The following CSMD3 variants were observed in gnomAD, a reference collection of about 807,000 sequenced individuals.
CSMD3 encodes CUB and Sushi multiple domains 3, also known as CUB and sushi domain-containing protein 3.
CSMD3 carries 177 observed loss-of-function variants against 435.2 expected under a neutral mutation model. The ratio of observed to expected loss-of-function variants is 0.41; its 90% CI spans 0.36 to 0.46. The LOEUF is 0.46. CSMD3 is among the 20% of genes least tolerant of loss of function. CSMD3 has a pLI of 0.34. For synonymous variants in CSMD3, 1,656 were observed against 1,520.5 expected (o/e 1.09, Z -2.07); for missense variants, 4,265 against 4,504.6 (o/e 0.95, Z 1.52).
At chr8:113,082,306 C>T (rs919803495) in intron 5 of CSMD3, among the ~76,000 whole-genome samples, 2 of 152,172 alleles carry the variant, frequency 1.3e-5, no homozygotes, top group African/African-American at 4.8e-5. Context: ...TGTCCCTGTT[C>T]CCAGCAAAGC....
intron 1 of CSMD3, among the ~76,000 whole-genome samples, chr8:113,332,257 G>C (rs1003672754): frequency 9.3e-5 from 14 of 150,120 alleles, no homozygotes; most frequent in African/African-American, 3.2e-4. Flanking sequence ...TGGGAAAATG[G>C]TGCCTATCCA....
chr8:113,200,081 C>A (rs1275627708), intron 3 of CSMD3, among the ~76,000 whole-genome samples: 2 of 151,854 alleles, frequency 1.3e-5, no homozygotes, highest in East Asian at 3.9e-4. Context: ...TTTCACGTAT[C>A]CAAAATGGGC....
intron 27 of CSMD3, chr8:112,538,812 CA>C (rs1826380804): frequency 6.6e-6 from 1 of 151,858 alleles, no homozygotes; most frequent in Non-Finnish European, 1.5e-5. Context: ...TCCAAAGTAC[CA>C]ATGCCATTTT....
chr8:113,420,748 G>T (rs1353516788), intron 1 of CSMD3, among the ~76,000 whole-genome samples: 1 of 151,892 alleles, frequency 6.6e-6, no homozygotes, highest in African/African-American at 2.4e-5. Flanking sequence ...AGGAGTTGAG[G>T]ACCACCCTGG....
intron 1 of CSMD3, among the ~76,000 whole-genome samples, chr8:113,356,644 C>T (rs2094230553): frequency 6.6e-6 from 1 of 151,946 alleles, no homozygotes; most frequent in African/African-American, 2.4e-5. Context: ...AAGAACACAA[C>T]AAATGTCAAA....
intron 1 of CSMD3, among the ~76,000 whole-genome samples, chr8:113,355,787 GTGTGTGTT>G (rs1387531881): frequency 5.1e-5 from 6 of 116,868 alleles, no homozygotes; most frequent in South Asian, 2.9e-4. Flanking sequence ...GTGTGTGTGT[GTGTGTGTT>G]TGTCAACTAT....
chr8:112,954,664 C>CA lies in CSMD3; in HGVS notation c.1420+19dup, dbSNP rs779729729. The stretch of plus-strand genomic sequence containing the variant: ...TTCACTCTTGCACTAGAGAAAGTAA[C>CA]AAAAAAGAAGTACACTCACAGATAG... On this transcript the variant is annotated intron_variant, in intron 8 of 70. Coordinates refer to ENST00000297405, the MANE Select transcript of CSMD3 (RefSeq NM_198123.2). 1.7e-5 allele frequency: 26 copies of CA among 1,528,628 alleles called. No individual in the cohort carries two copies. Among genetic ancestry groups the CA allele is most frequent in the Middle Eastern group, 1.7e-4 (1 of 5,918 alleles). 94.7% of individuals were successfully genotyped at this position (1,528,628 alleles called of 1,614,324 possible).
chr8:113,188,861 A>G (rs2092545988), intron 3 of CSMD3, among the ~76,000 whole-genome samples: 1 of 151,918 alleles, frequency 6.6e-6, no homozygotes, highest in African/African-American at 2.4e-5. Context: ...TATTTGGGTT[A>G]CTTAAACAAA....
intron 1 of CSMD3, among the ~76,000 whole-genome samples, chr8:113,385,806 A>G (rs2094436813): frequency 1.3e-5 from 2 of 152,084 alleles, no homozygotes; most frequent in South Asian, 4.1e-4. Flanking sequence ...AGAGAAAAGA[A>G]GAAATTGGAA....
intron 1 of CSMD3, among the ~76,000 whole-genome samples, chr8:113,406,720 A>G (rs2094534436): frequency 6.6e-6 from 1 of 152,026 alleles, no homozygotes; most frequent in South Asian, 2.1e-4. Flanking sequence ...AACTCTACAG[A>G]GTATATGTCC....
chr8:112,470,902 C>A (rs16883667), intron 32 of CSMD3, among the ~76,000 whole-genome samples: 2 of 146,336 alleles, frequency 1.4e-5, no homozygotes, highest in Non-Finnish European at 1.5e-5. Flanking sequence ...ACAAAAAAAA[C>A]AAGAAGATTC....
At chr8:112,352,651 A>G in intron 38 of CSMD3, 117 bp from the exon 39 acceptor site, 1 of 877,800 alleles carries the variant, frequency 1.1e-6, no homozygotes, top group Non-Finnish European at 1.9e-6. Flanking sequence ...TACTATATTG[A>G]GACGTTGAGA....
chr8:113,184,541 T>C (rs2092470492), intron 3 of CSMD3, among the ~76,000 whole-genome samples: 1 of 151,984 alleles, frequency 6.6e-6, no homozygotes, highest in Non-Finnish European at 1.5e-5. Flanking sequence ...AGGCCAAAGA[T>C]AAAATATATA....
chr8:112,742,669 T>A (rs2077338493), intron 13 of CSMD3, among the ~76,000 whole-genome samples: 2 of 151,934 alleles, frequency 1.3e-5, no homozygotes, highest in African/African-American at 4.8e-5. Flanking sequence ...AATAGAAACA[T>A]GACCCATCTG....
chr8:112,297,817 T>C lies in CSMD3; in HGVS notation c.8441-1811A>G, dbSNP rs1235782082. 2.0e-5 allele frequency among the ~76,000 whole-genome samples: 3 copies of C among 152,086 alleles called. No individual in the cohort carries two copies. The East Asian group carries it at 5.8e-4, about 29-fold the overall frequency. Reference sequence around the variant, plus strand: ...ATACTGACAGCAAACAATTGGAGAATGTAATTTAGATAAACAACTTTAGTT... The same window carrying C: ...ATACTGACAGCAAACAATTGGAGAACGTAATTTAGATAAACAACTTTAGTT... On this transcript the variant is annotated intron_variant, in intron 53 of 70. Coordinates refer to ENST00000297405, the MANE Select transcript of CSMD3 (RefSeq NM_198123.2).
intron 3 of CSMD3, among the ~76,000 whole-genome samples, chr8:113,224,332 T>A (rs1286822461): frequency 6.6e-6 from 1 of 151,168 alleles, no homozygotes; most frequent in Non-Finnish European, 1.5e-5. Flanking sequence ...ACCCCATTCA[T>A]CTATAGACAT....
intron 4 of CSMD3, among the ~76,000 whole-genome samples, chr8:113,159,617 T>A (rs978554112): frequency 6.6e-6 from 1 of 151,998 alleles, no homozygotes; most frequent in East Asian, 1.9e-4. Context: ...TATTTACTTA[T>A]TAAAATGAAA....
chr8:112,627,777 G>C (rs1208450617), intron 22 of CSMD3, among the ~76,000 whole-genome samples: 1 of 152,128 alleles, frequency 6.6e-6, no homozygotes, highest in Non-Finnish European at 1.5e-5. Context: ...GGTCTACTCT[G>C]TTAAGTTGGT....
At chr8:113,386,235 T>C (rs919795719) in intron 1 of CSMD3, among the ~76,000 whole-genome samples, 3 of 151,914 alleles carry the variant, frequency 2.0e-5, no homozygotes, top group Admixed American at 1.3e-4. Context: ...CCAAATATAG[T>C]GTTTAAGAGT....
Sources: allele counts gnomAD v4.1 joint callset (sites outside exome capture counted in the v4.1 genomes callset), GRCh38; gene constraint gnomAD v4.1.1; transcripts MANE v1.5; gene names NCBI Gene and HGNC (gene_info 2026-07-23, HGNC 2026-07-21).